TRPM5: variants seen among roughly 807,000 people sequenced by gnomAD.
The protein encoded by TRPM5 is MLSN1 and TRP-related.
In TRPM5, 121 loss-of-function variants were observed where a neutral mutation model predicts 124.9. That is an observed-to-expected ratio of 0.97 (90% confidence interval 0.84 to 1.13). TRPM5 has a LOEUF of 1.13. Among genes scored for constraint, TRPM5 ranks in the 50% most tolerant of loss-of-function variants. The pLI, the probability that TRPM5 is intolerant of heterozygous loss-of-function variation, is 0.00. For synonymous variants in TRPM5, 781 were observed against 700.5 expected, an observed-to-expected ratio of 1.11 and a Z score of -1.81; for missense variants, 1,643 against 1,589.1, an observed-to-expected ratio of 1.03 and a Z score of -0.58.
chr11:2,410,745 C>A, intron 18 of TRPM5: 1 of 450,024 alleles, frequency 2.2e-6, no homozygotes, highest in Non-Finnish European at 4.5e-6. Flanking sequence ...GGCCTGGGGA[C>A]ACCCATAGGC....
rs981306285 is a variant in TRPM5 at position 2,405,106 on chromosome 11, A to G, written c.3392-63T>C. ...AGCAAGGCAGGCCCAGGAAGGGGAG[A>G]GGTAGCTGGCTCAGAGGCAAGGGCC... On this transcript the variant is annotated intron_variant, in intron 23 of 23. Transcript: ENST00000155858. 1.9e-5 allele frequency: 28 copies of G among 1,436,852 alleles called. No homozygotes were observed. The African/African-American group carries it at 3.8e-4, about 20-fold the overall frequency. The allele number at this position is 1,436,852 out of a possible 1,614,324, so 89.0% of individuals were successfully genotyped here. A position where few individuals can be genotyped will look rare whatever the true frequency, so the allele number is the denominator to read the frequency against.
chr11:2,406,641 A>T lies in TRPM5; in HGVS notation c.3251+20T>A, dbSNP rs1226736217. The T allele has an allele frequency of 7.5e-6, 12 of 1,590,306 alleles. No homozygotes were observed. Among genetic ancestry groups the T allele is most frequent in the Non-Finnish European group, 8.6e-6 (10 of 1,168,692 alleles). On this transcript the variant is annotated intron_variant, in intron 21 of 23. Coordinates refer to ENST00000155858, the Ensembl canonical transcript of TRPM5. Reference sequence around the variant, plus strand: ...AAAGACAGCCCGATACCCACCAGTGATCAGGACAGGCCCCCGCACCTGTGG... The same window carrying T: ...AAAGACAGCCCGATACCCACCAGTGTTCAGGACAGGCCCCCGCACCTGTGG...
the TRPM5 span, among the ~76,000 whole-genome samples, chr11:2,432,667 ACAGAAAGATTTG>A: frequency 0.017 from 2,653 of 152,308 alleles, 75 homozygotes; most frequent in African/African-American, 0.061. Flanking sequence ...CATTTTATTT[ACAGAAAGATTTG>A]CAACCCACTT....
chr11:2,406,130 G>T, intron 21 of TRPM5, 39 bp from the exon 27 acceptor site: 1 of 1,605,790 alleles, frequency 6.2e-7, no homozygotes. Context: ...GGATGGCCAC[G>T]CGGTGCTCTG....
chr11:2,412,337 A>G (rs956525661), intron 15 of TRPM5, 84 bp from the exon 21 acceptor site: 56 of 745,344 alleles, frequency 7.5e-5, no homozygotes, highest in Non-Finnish European at 1.0e-4. Flanking sequence ...TTGGATCTGT[A>G]AGGATCAGGG....
chr11:2,415,612 C>T (rs865797948), intron 8 of TRPM5, 141 bp from the exon 14 acceptor site: 3 of 669,294 alleles, frequency 4.5e-6, no homozygotes, highest in Middle Eastern at 3.8e-4. Flanking sequence ...CGCTCTCCTG[C>T]ACCCCAGCCT....
chr11:2,410,053 CCCTGCGG>C (rs1565007791), intron 18 of TRPM5, among the ~76,000 whole-genome samples: 1 of 152,180 alleles, frequency 6.6e-6, no homozygotes, highest in Non-Finnish European at 1.5e-5. Flanking sequence ...CCCCGAGGGG[CCCTGCGG>C]ACGGGCAGTG....
At chr11:2,424,452 T>C (rs1845818695), upstream of TRPM5, among the ~76,000 whole-genome samples, 1 of 152,256 alleles carries the variant, frequency 6.6e-6, no homozygotes, top group African/African-American at 2.4e-5. Flanking sequence ...ATGTGACCTT[T>C]GGAAACAGGC....
rs761001440 is a variant in TRPM5 at position 2,420,225 on chromosome 11, C to T, written c.646G>A (p.Gly216Arg). 10 of 1,597,044 alleles carry T rather than the reference C, an allele frequency of 6.3e-6. No homozygotes were observed. The highest frequency in any genetic ancestry group is 1.3e-5 in the African/African-American group (1 of 74,922). The change falls in exon 4 of 24, where the codon GGG (glycine) becomes AGG (arginine). Residue 216 changes from glycine (G) to arginine (R), a missense_variant. Gly to Arg is a moderately radical substitution (Grantham distance 125). Coordinates refer to ENST00000155858, the Ensembl canonical transcript of TRPM5. ...GGGTGGCTGGGGCGGGTCTCACCCC[C>T]GTAGCCCGCCCTCTGCTCCGAGATG... is the stretch of plus-strand genomic sequence containing the variant.
intron 14 of TRPM5, 28 bp downstream of exon 19, chr11:2,413,106 C>T: frequency 6.4e-7 from 1 of 1,551,428 alleles, no homozygotes. Context: ...CCAGTCCCCT[C>T]CACCCTGCCT....
chr11:2,415,014 T>C, exon 10 of TRPM5: 1 of 1,604,588 alleles, frequency 6.2e-7, no homozygotes, highest in Non-Finnish European at 8.5e-7. Flanking sequence ...AGCAGCCACT[T>C]CTGGCCCGTG....
At position 2,406,526 on chromosome 11, in the gene TRPM5, G is replaced by A. The variant is rs1850326218; in HGVS notation, c.3251+135C>T. On this transcript the variant is annotated intron_variant, in intron 21 of 23. Coordinates refer to ENST00000155858, the Ensembl canonical transcript of TRPM5. ...GGTCAGGCTGGAAAGCTAGGCCCCT[G>A]GGCTCGGCCAGAGCCCTGCCCCTAC... The A allele has an allele frequency of 4.0e-6, 5 of 1,245,092 alleles. No individual in the cohort carries two copies. In the South Asian group the frequency reaches 4.4e-5, roughly 11 times the overall value. The allele number at this position is 1,245,092 out of a possible 1,614,324, so 77.1% of individuals were successfully genotyped here.
chr11:2,407,089 C>G (rs773726062), intron 20 of TRPM5, 30 bp downstream of exon 25: 1 of 1,041,232 alleles, frequency 9.6e-7, no homozygotes. Context: ...TCGGCCTCAC[C>G]CAGGTGCTCC....
intron 20 of TRPM5, 46 bp from the exon 26 acceptor site, chr11:2,406,839 T>C (rs372790250): frequency 1.9e-6 from 3 of 1,585,524 alleles, no homozygotes; most frequent in East Asian, 4.5e-5. Flanking sequence ...CATGTGGGCG[T>C]CAGTGGCAGA....
exon 8 of TRPM5, chr11:2,415,954 G>A (rs766550271): frequency 1.5e-5 from 24 of 1,580,872 alleles, no homozygotes; most frequent in Middle Eastern, 1.7e-4. Context: ...CGATGTCCAC[G>A]CGGTCCCAGG....
At chr11:2,435,540 CGTCT>C in the TRPM5 span, among the ~76,000 whole-genome samples, 4 of 151,946 alleles carry the variant, frequency 2.6e-5, no homozygotes, top group African/African-American at 4.8e-5. The surrounding 1 kb of genome is among the most constrained non-coding windows in gnomAD (Gnocchi z 4.1). Context: ...TCCATCCACC[CGTCT>C]GTCTGTCGAT....
exon 2 of TRPM5, chr11:2,422,175 C>A: frequency 6.2e-7 from 1 of 1,611,656 alleles, no homozygotes; most frequent in South Asian, 1.1e-5. Context: ...GCCCCTTGCG[C>A]AGCACATCCC....
chr11:2,413,262 G>C, intron 13 of TRPM5, 36 bp from the exon 19 acceptor site: 1 of 1,495,512 alleles, frequency 6.7e-7, no homozygotes, highest in South Asian at 1.3e-5. Flanking sequence ...CCGCAGGAAG[G>C]GCTCCCAGAG....
rs753026067 is a variant in TRPM5 at position 2,414,709 on chromosome 11, ACT to A, written c.1744+4_1744+5del. The A allele has an allele frequency of 1.3e-4, 192 of 1,530,772 alleles. No individual in the cohort carries two copies. The highest frequency in any genetic ancestry group is 1.6e-4 in the Non-Finnish European group (184 of 1,138,436). The allele number at this position is 1,530,772 out of a possible 1,614,324, so 94.8% of individuals were successfully genotyped here. ...GCGGGCCCGGCCCCAGCCGCCGGTC[ACT>A]CACCAAGGGCCAGCCGCTCGTATTT... On this transcript the variant is annotated splice_donor_5th_base_variant and intron_variant, in intron 11 of 23. Coordinates refer to ENST00000155858, the Ensembl canonical transcript of TRPM5.
Sources: gnomAD v4.1 joint callset for allele counts (sites outside exome capture counted in the v4.1 genomes callset) on GRCh38, gnomAD v4.1.1 for gene constraint, Gnocchi (gnomAD v3.1) non-coding constraint, MANE v1.5 for transcripts, NCBI Gene and HGNC (gene_info 2026-07-23, HGNC 2026-07-21) for gene names.